RORA: variants seen among roughly 807,000 people sequenced by gnomAD.
RORA encodes the protein RAR related orphan receptor A.
RORA carries 7 observed loss-of-function variants against 69.5 expected under a neutral mutation model. The ratio of observed to expected loss-of-function variants is 0.10; its 90% CI spans 0.06 to 0.19. The LOEUF is 0.19. RORA is among the 10% of genes least tolerant of loss of function. The pLI is 1.00. For synonymous variants in RORA, 261 were observed against 240.8 expected (o/e 1.08, Z -0.78); for missense variants, 457 against 663.0 (o/e 0.69, Z 3.41).
chr15:60,592,476 TGCCGCCGCCGC>T (rs1555435195), intron 2 of RORA: 20 of 1,354,048 alleles, frequency 1.5e-5, no homozygotes, highest in South Asian at 7.1e-5. Flanking sequence ...GAGCCCCCTC[TGCCGCCGCCGC>T]GCCGCCGCCG....
rs2079364104 is a variant in RORA at position 61,147,832 on chromosome 15, A to G, written c.166+81221T>C. Among the ~76,000 whole-genome samples the G allele has an allele frequency of 6.6e-6, 1 of 150,814 alleles. No homozygotes were observed. Among genetic ancestry groups the G allele is most frequent in the African/African-American group, 2.4e-5 (1 of 41,210 alleles). On this transcript the variant is annotated intron_variant, in intron 1 of 10. Transcript: ENST00000335670. The surrounding 1 kb of genome is among the most constrained non-coding windows in gnomAD (Gnocchi z 4.1). ...TTTTTTTACCTGCCTCCTTCACTGTATAAGCCCAACCTGTTCACTGTGTAT... is the reference window on the plus strand; with the variant it reads ...TTTTTTTACCTGCCTCCTTCACTGTGTAAGCCCAACCTGTTCACTGTGTAT...
chr15:61,120,472 GGC>G (rs1401010940), intron 1 of RORA, among the ~76,000 whole-genome samples: 7 of 152,004 alleles, frequency 4.6e-5, no homozygotes, highest in Admixed American at 3.3e-4. Flanking sequence ...GGCCGAGGCG[GGC>G]GGATCACAAC....
At chr15:61,004,783 G>C (rs1357366235) in intron 1 of RORA, among the ~76,000 whole-genome samples, 1 of 152,142 alleles carries the variant, frequency 6.6e-6, no homozygotes, top group Non-Finnish European at 1.5e-5. Context: ...ATTTTTTAAA[G>C]TGTAAAGAAA....
At chr15:61,062,917 ATTTG>A (rs990243418) in intron 1 of RORA, among the ~76,000 whole-genome samples, 2 of 152,114 alleles carry the variant, frequency 1.3e-5, no homozygotes, top group African/African-American at 4.8e-5. Context: ...TGTTTTCTAT[ATTTG>A]TTTTTTTTTC....
At chr15:61,167,237 T>G (rs1049542098) in intron 1 of RORA, among the ~76,000 whole-genome samples, 1 of 152,122 alleles carries the variant, frequency 6.6e-6, no homozygotes, top group South Asian at 2.1e-4. Flanking sequence ...TTTAAAAGAT[T>G]TTTTTTTCCT....
chr15:60,837,698 G>A (rs906377230), intron 1 of RORA, among the ~76,000 whole-genome samples: 1 of 152,114 alleles, frequency 6.6e-6, no homozygotes, highest in Non-Finnish European at 1.5e-5. Context: ...CCCCGCTAAA[G>A]AGCTCACCGG....
chr15:60,887,813 CAGG>C (rs2073768232), intron 1 of RORA, among the ~76,000 whole-genome samples: 2 of 152,172 alleles, frequency 1.3e-5, no homozygotes, highest in South Asian at 2.1e-4. Context: ...CGGGCATCAG[CAGG>C]AGAAGATGTG....
At chr15:60,969,072 A>G (rs1478594213) in intron 1 of RORA, among the ~76,000 whole-genome samples, 3 of 152,160 alleles carry the variant, frequency 2.0e-5, no homozygotes, top group African/African-American at 7.2e-5. Flanking sequence ...CTTTGGCAGG[A>G]CTATCTCAGT....
chr15:60,640,730 G>T lies in RORA; in HGVS notation c.196+37927C>A, dbSNP rs770908001. On this transcript the variant is annotated intron_variant, in intron 2 of 10. Transcript: ENST00000335670. The stretch of plus-strand genomic sequence containing the variant: ...TTGCTGTTTCCATGGCTTGGAAGAT[G>T]CTTCTTCTAGATTCTCCTGTGCTTG... Among the ~76,000 whole-genome samples, 235 of 152,088 alleles carry T rather than the reference G, an allele frequency of 1.5e-3. 1 individual carries two copies. The highest frequency in any genetic ancestry group is 3.5e-3 in the South Asian group (17 of 4,822).
At chr15:60,732,823 G>GCA (rs1332983009) in intron 1 of RORA, among the ~76,000 whole-genome samples, 3 of 151,270 alleles carry the variant, frequency 2.0e-5, no homozygotes, top group Non-Finnish European at 4.4e-5. Context: ...TTACAGCTAC[G>GCA]CACACACACG....
chr15:60,526,199 G>C (rs866049604), intron 3 of RORA, among the ~76,000 whole-genome samples: 2 of 152,212 alleles, frequency 1.3e-5, no homozygotes, highest in South Asian at 2.1e-4. Context: ...TTGTTCAGTA[G>C]TGACTGGCCT....
At chr15:61,152,892 C>T (rs999556561) in intron 1 of RORA, among the ~76,000 whole-genome samples, 1 of 152,176 alleles carries the variant, frequency 6.6e-6, no homozygotes, top group African/African-American at 2.4e-5. Context: ...CAGGCTGCTA[C>T]TCCTTTAAAT....
chr15:61,079,998 A>G (rs2078515261), intron 1 of RORA, among the ~76,000 whole-genome samples: 1 of 152,220 alleles, frequency 6.6e-6, no homozygotes, highest in African/African-American at 2.4e-5. Context: ...GTATATAAAG[A>G]GGCCAGCATG....
intron 1 of RORA, among the ~76,000 whole-genome samples, chr15:61,023,005 T>A (rs1255715151): frequency 1.3e-5 from 2 of 151,664 alleles, no homozygotes; most frequent in Non-Finnish European, 2.9e-5. Context: ...GCCAACAAGG[T>A]GAAACCCCGT....
intron 1 of RORA, among the ~76,000 whole-genome samples, chr15:60,934,251 TG>T (rs1293131375): frequency 6.6e-6 from 1 of 152,240 alleles, no homozygotes; most frequent in Non-Finnish European, 1.5e-5. Context: ...TGCCCTATGC[TG>T]GCCCAGTGGA....
chr15:60,514,403 C>G (rs146337488), intron 4 of RORA, among the ~76,000 whole-genome samples: 33 of 152,254 alleles, frequency 2.2e-4, no homozygotes, highest in African/African-American at 7.2e-4. Flanking sequence ...CACCCCCACC[C>G]ATCAGCCAGC....
intron 1 of RORA, among the ~76,000 whole-genome samples, chr15:60,770,905 A>G (rs1341608258): frequency 2.6e-5 from 4 of 152,226 alleles, no homozygotes; most frequent in Non-Finnish European, 4.4e-5. Flanking sequence ...GTCAGGTAAA[A>G]TGCTAGATAC....
chr15:60,595,687 A>G (rs79507432), intron 2 of RORA, among the ~76,000 whole-genome samples: 7 of 18,206 alleles, frequency 3.8e-4, no homozygotes, highest in East Asian at 0.037. Context: ...AGTGTTCTGA[A>G]AAAAAAAAAA....
intron 2 of RORA, chr15:60,598,467 A>G (rs957301734): frequency 6.6e-6 from 1 of 152,348 alleles, no homozygotes; most frequent in South Asian, 2.1e-4. Flanking sequence ...TGTGAAGACA[A>G]TAAGGATGAA....
Sources: gnomAD v4.1 joint callset for allele counts (sites outside exome capture counted in the v4.1 genomes callset) on GRCh38, gnomAD v4.1.1 for gene constraint, Gnocchi (gnomAD v3.1) non-coding constraint, MANE v1.5 for transcripts, NCBI Gene and HGNC (gene_info 2026-07-23, HGNC 2026-07-21) for gene names.